Variants in ZNF362 observed in about 807,000 individuals in gnomAD.
The protein encoded by ZNF362 is zinc finger protein 362, also known as rotund homolog.
In ZNF362, 11 loss-of-function variants were observed where a neutral mutation model predicts 42.9. The observed-to-expected ratio is 0.26, with a 90% confidence interval of 0.16 to 0.42. The LOEUF (loss-of-function observed/expected upper bound fraction) is 0.42, where lower values mean the gene tolerates loss of function less well. Among genes scored for constraint, ZNF362 ranks in the 20% least tolerant of loss-of-function variants. ZNF362 has a pLI of 1.00. For synonymous variants in ZNF362, 255 were observed against 257.3 expected, an observed-to-expected ratio of 0.99 and a Z score of 0.09; for missense variants, 362 against 576.2, an observed-to-expected ratio of 0.63 and a Z score of 3.81.
At chr1:33,181,086 T>A in the ZNF362 span, 1 of 1,599,764 alleles carries the variant, frequency 6.3e-7, no homozygotes. The surrounding 1 kb of genome is among the most constrained non-coding windows in gnomAD (Gnocchi z 6.5). Context: ...CAGTGCAGGC[T>A]CGTCGCAGAA....
the ZNF362 span, among the ~76,000 whole-genome samples, chr1:33,234,723 A>G: frequency 6.6e-6 from 1 of 152,144 alleles, no homozygotes. Flanking sequence ...TGCAGCCTTG[A>G]CCAAAGCCTG....
At chr1:33,137,185 C>T in the ZNF362 span, among the ~76,000 whole-genome samples, 1 of 152,054 alleles carries the variant, frequency 6.6e-6, no homozygotes, top group African/African-American at 2.4e-5. Flanking sequence ...GATCCCTACA[C>T]CCATCACAGG....
At chr1:33,198,729 G>A in the ZNF362 span, among the ~76,000 whole-genome samples, 2 of 152,118 alleles carry the variant, frequency 1.3e-5, no homozygotes, top group Non-Finnish European at 2.9e-5. Flanking sequence ...AGTGACACAT[G>A]ATAGAATTAG....
At position 33,288,676 on chromosome 1, in the gene ZNF362, G is replaced by A. The variant is rs1202344642; in HGVS notation, c.909-6261G>A. On this transcript the variant is annotated intron_variant, in intron 6 of 8. Coordinates refer to ENST00000539719, the MANE Select transcript of ZNF362 (RefSeq NM_152493.3). ...AGGATAATCGCTGAACTGGGGAGGC[G>A]GAGGTTGCAGTGAGCTGAGATTGTG... Among the ~76,000 whole-genome samples, 3 of 144,876 alleles carry A rather than the reference G, an allele frequency of 2.1e-5. No homozygotes were observed. In the East Asian group the frequency reaches 6.3e-4, roughly 30 times the overall value.
At chr1:33,188,459 C>G in the ZNF362 span, among the ~76,000 whole-genome samples, 27 of 152,178 alleles carry the variant, frequency 1.8e-4, no homozygotes, top group Non-Finnish European at 2.6e-4. Context: ...CCTGGGAACT[C>G]TGAGAGAGTG....
the ZNF362 span, among the ~76,000 whole-genome samples, chr1:33,189,186 C>T: frequency 6.6e-6 from 1 of 152,152 alleles, no homozygotes; most frequent in African/African-American, 2.4e-5. Flanking sequence ...TTTCCACCAA[C>T]CTATTGTGCC....
chr1:33,246,187 C>G, the ZNF362 span, among the ~76,000 whole-genome samples: 1 of 152,140 alleles, frequency 6.6e-6, no homozygotes, highest in South Asian at 2.1e-4. Context: ...AGTGAATACA[C>G]CTACTCAAAG....
chr1:33,235,005 A>G, the ZNF362 span, among the ~76,000 whole-genome samples: 1 of 152,196 alleles, frequency 6.6e-6, no homozygotes, highest in East Asian at 1.9e-4. Context: ...CTCCCCCTGC[A>G]GTCCCGGGTC....
chr1:33,167,843 A>AAAATTATC, the ZNF362 span, among the ~76,000 whole-genome samples: 1 of 152,374 alleles, frequency 6.6e-6, no homozygotes, highest in East Asian at 1.9e-4. This position sits in a 1 kb window ranked among gnomAD's most constrained non-coding sequence, Gnocchi z 4.2. Context: ...TGCAGGAAAC[A>AAAATTATC]AAATTATCTT....
intron 1 of ZNF362, among the ~76,000 whole-genome samples, chr1:33,257,332 G>A (rs1250024759): frequency 5.0e-4 from 75 of 151,448 alleles, no homozygotes; most frequent in Admixed American, 2.0e-4. Context: ...AAAAAAAAAA[G>A]GGAAGCTGCC....
chr1:33,205,309 C>A, the ZNF362 span, among the ~76,000 whole-genome samples: 1 of 151,838 alleles, frequency 6.6e-6, no homozygotes, highest in African/African-American at 2.4e-5. Context: ...CATAGTGAGA[C>A]CTCATCTCTA....
the ZNF362 span, among the ~76,000 whole-genome samples, chr1:33,219,014 C>T: frequency 6.6e-6 from 1 of 151,076 alleles, no homozygotes; most frequent in African/African-American, 2.4e-5. Context: ...CAAGAGACTT[C>T]CTTCCTTTCT....
chr1:33,185,869 A>C, the ZNF362 span, among the ~76,000 whole-genome samples: 1 of 152,226 alleles, frequency 6.6e-6, no homozygotes. Flanking sequence ...ACTTAGACAC[A>C]ATCACAGGCA....
the ZNF362 span, among the ~76,000 whole-genome samples, chr1:33,127,799 A>C: frequency 6.6e-6 from 1 of 152,216 alleles, no homozygotes; most frequent in Non-Finnish European, 1.5e-5. Flanking sequence ...CTCTAGGCCA[A>C]GGAGTTTTAC....
chr1:33,298,557 C>T (rs2148146056), intron 8 of ZNF362, among the ~76,000 whole-genome samples: 1 of 152,314 alleles, frequency 6.6e-6, no homozygotes, highest in Non-Finnish European at 1.5e-5. Context: ...TAGGCTCAGA[C>T]CCAGTCCTGC....
chr1:33,276,492 A>T lies in ZNF362; in HGVS notation c.247A>T (p.Met83Leu), dbSNP rs772506225. The T allele has an allele frequency of 2.5e-6, 4 of 1,584,152 alleles. No homozygotes were observed. The South Asian group carries it at 4.6e-5, about 18-fold the overall frequency. ...ACCCGCCGAGAGCAGCCAGGCCGTC[A>T]TGTCGCTGCCCAAGCTGCAGCAGGT... ...PAPAESSQAV[M>L]SLPKLQQVPG... The change falls in exon 4 of 9, where the codon ATG (methionine) becomes TTG (leucine). Residue 83 changes from methionine (M) to leucine (L), a missense_variant. Around this residue, in one of 3 missense-constraint regions of ZNF362, gnomAD observed 266 missense variants for 365.4 expected, o/e 0.73. Transcript: ENST00000539719.
At chr1:33,192,549 A>G in the ZNF362 span, among the ~76,000 whole-genome samples, 2 of 152,218 alleles carry the variant, frequency 1.3e-5, no homozygotes, top group East Asian at 1.9e-4. Flanking sequence ...AAGGCAGACA[A>G]TAAGAGTGCT....
the ZNF362 span, among the ~76,000 whole-genome samples, chr1:33,177,338 C>A: frequency 6.6e-6 from 1 of 152,190 alleles, no homozygotes; most frequent in Non-Finnish European, 1.5e-5. This position sits in a 1 kb window ranked among gnomAD's most constrained non-coding sequence, Gnocchi z 4.1. Flanking sequence ...CTAGGCACTT[C>A]TGATAAAGGA....
intron 1 of ZNF362, among the ~76,000 whole-genome samples, chr1:33,264,992 C>T (rs537742519): frequency 4.6e-5 from 7 of 151,944 alleles, no homozygotes; most frequent in Non-Finnish European, 1.0e-4. Flanking sequence ...CAGCATCTAC[C>T]TCATGGGGTC....
Sources: gnomAD v4.1 joint callset for allele counts (sites outside exome capture counted in the v4.1 genomes callset) on GRCh38, gnomAD v4.1.1 for gene constraint, gnomAD v4.1.1 regional missense constraint, Gnocchi (gnomAD v3.1) non-coding constraint, MANE v1.5 for transcripts, NCBI Gene and HGNC (gene_info 2026-07-23, HGNC 2026-07-21) for gene names.